CDC42BPG: variants seen among roughly 807,000 people sequenced by gnomAD.
CDC42BPG encodes the protein CDC42 binding protein kinase gamma.
Under a neutral mutation model 192.2 loss-of-function variants are expected in CDC42BPG, and 157 were observed. That is an observed-to-expected ratio of 0.82 (90% confidence interval 0.72 to 0.93). CDC42BPG has a LOEUF of 0.93. Among genes scored for constraint, CDC42BPG ranks in the 40% least tolerant of loss-of-function variants. The pLI is 0.00. For synonymous variants in CDC42BPG, 981 were observed against 918.5 expected (o/e 1.07, Z -1.23); for missense variants, 1,992 against 2,122.1 (o/e 0.94, Z 1.20).
rs754436204 is a variant in CDC42BPG, at chr11:64,829,561, G to C, written c.3877C>G (p.Leu1293Val). The C allele has an allele frequency of 1.1e-5, 18 of 1,612,716 alleles. No homozygotes were observed. The highest frequency in any genetic ancestry group is 1.5e-5 in the Non-Finnish European group (18 of 1,179,844). Reference protein sequence around the residue: ...VELSLSEFLLLFTTAGIYVDG... With the variant: ...VELSLSEFLLVFTTAGIYVDG... ...ACGTAGATGCCAGCAGTGGTGAAGA[G>C]TAGCAGGAACTCGCTGAGGCTAAGC... The change falls in exon 30 of 37, where the codon CTC (leucine) becomes GTC (valine). Residue 1293 changes from leucine (L) to valine (V), a missense_variant. Around this residue, in one of 2 missense-constraint regions of CDC42BPG, gnomAD observed 1,656 missense variants for 1,844.3 expected, o/e 0.90. Coordinates refer to ENST00000342711, the MANE Select transcript of CDC42BPG (RefSeq NM_017525.3).
At chr11:64,843,501 C>T (rs2136432271) in intron 1 of CDC42BPG, among the ~76,000 whole-genome samples, 1 of 152,252 alleles carries the variant, frequency 6.6e-6, no homozygotes, top group East Asian at 1.9e-4. Context: ...CCCCCTCTAC[C>T]CCAGGCCTTG....
rs763242060 is a variant in CDC42BPG at position 64,830,054 on chromosome 11, C to T, written c.3384G>A (p.Gly1128=). 6.2e-7 allele frequency: 1 copy of T among 1,612,536 alleles called. No individual in the cohort carries two copies. Among genetic ancestry groups the T allele is most frequent in the African/African-American group, 1.3e-5 (1 of 74,920 alleles). The change falls in exon 30 of 37, where the codon GGG becomes GGA. Residue 1128 remains glycine, a synonymous_variant. Coordinates refer to ENST00000342711, the MANE Select transcript of CDC42BPG (RefSeq NM_017525.3). ...HLRSNDIFQV[G]ECRRVQQLTL... is the part of the protein sequence containing the mutation. ...TCAGCTGCTGCACGCGCCGGCACTCCCCCACCTGGAAGATGTCTGCAGGGT... is the reference window on the plus strand; with the variant it reads ...TCAGCTGCTGCACGCGCCGGCACTCTCCCACCTGGAAGATGTCTGCAGGGT...
chr11:64,832,817 C>A lies in CDC42BPG; in HGVS notation c.2865+9G>T. 1 of 1,587,594 alleles carries A rather than the reference C, an allele frequency of 6.3e-7. No individual in the cohort carries two copies. The highest frequency in any genetic ancestry group is 2.4e-5 in the East Asian group (1 of 42,486). ...ATGCCCATCTTCCCCTCCCTCGGCC[C>A]CCACTCACCGACAGAAAGCCCTCAT... is the stretch of plus-strand genomic sequence containing the variant. On this transcript the variant is annotated intron_variant, in intron 25 of 36. Coordinates refer to ENST00000342711, the MANE Select transcript of CDC42BPG (RefSeq NM_017525.3).
chr11:64,837,117 C>T, intron 9 of CDC42BPG, 98 bp from the exon 10 acceptor site: 2 of 1,052,112 alleles, frequency 1.9e-6, no homozygotes, highest in Non-Finnish European at 2.9e-6. Context: ...TGTGAAACAG[C>T]CAAAACAGAC....
intron 28 of CDC42BPG, 64 bp downstream of exon 28, chr11:64,831,441 A>G: frequency 6.8e-7 from 1 of 1,460,812 alleles, no homozygotes; most frequent in Non-Finnish European, 9.4e-7. Context: ...CCTTGGGACT[A>G]TTCCTAGACA....
At chr11:64,843,341 TG>T (rs201677418) in intron 1 of CDC42BPG, among the ~76,000 whole-genome samples, 2,841 of 151,304 alleles carry the variant, frequency 0.019, 65 homozygotes, top group African/African-American at 0.041. Flanking sequence ...GTGGGTGTCA[TG>T]GGGGGGGTGA....
rs770769787 is a variant in CDC42BPG at position 64,836,785 on chromosome 11, C to A, written c.1338G>T (p.Leu446=). Residue 446 remains leucine, a synonymous_variant, in exon 11 of 37, where the codon CTG becomes CTT. Coordinates refer to ENST00000342711, the MANE Select transcript of CDC42BPG (RefSeq NM_017525.3). The part of the protein sequence containing the change: ...ALHAPTDHRE[L]EQLRKEVQTL... ...TCTGCACTTCCTTCCGTAGCTGCTCCAGCTCCCGATGGTCTGTGGGGGCGT... is the reference window on the plus strand; with the variant it reads ...TCTGCACTTCCTTCCGTAGCTGCTCAAGCTCCCGATGGTCTGTGGGGGCGT... The A allele has an allele frequency of 1.0e-5, 16 of 1,595,180 alleles. No homozygotes were observed. The highest frequency in any genetic ancestry group is 1.3e-5 in the Non-Finnish European group (15 of 1,171,602).
chr11:64,831,879 G>A (rs1042146830), intron 27 of CDC42BPG, among the ~76,000 whole-genome samples, 158 bp from the exon 28 acceptor site: 3 of 152,268 alleles, frequency 2.0e-5, no homozygotes, highest in Non-Finnish European at 4.4e-5. Flanking sequence ...AGAGCCATGC[G>A]ACCAGCGCCA....
At position 64,827,510 on chromosome 11, in the gene CDC42BPG, C is replaced by A. The variant is rs1942488382; in HGVS notation, c.4150+17G>T. 2 of 1,611,406 alleles carry A rather than the reference C, an allele frequency of 1.2e-6. No homozygotes were observed. The highest frequency in any genetic ancestry group is 1.7e-6 in the Non-Finnish European group (2 of 1,178,106). ...GCACTGGGGAACGCACACACCCGTA[C>A]ACACGCACTCCCTCACCTGCCAGCT... On this transcript the variant is annotated intron_variant, in intron 32 of 36. Coordinates refer to ENST00000342711, the MANE Select transcript of CDC42BPG (RefSeq NM_017525.3).
Position 64,835,099 on chromosome 11 carries a change from G to A in CDC42BPG, c.2008C>T (p.Arg670Trp), listed in dbSNP as rs1458455027. ...QESKQRLEGE[R>W]RETESNWEAQ... The stretch of plus-strand genomic sequence containing the variant: ...TCCCAGTTGCTCTCCGTCTCCCGCC[G>A]CTCACCCTCCAGCCGCTGCTTGCTC... Residue 670 changes from arginine to tryptophan, a missense_variant, in exon 17 of 37, where the codon CGG becomes TGG. Physicochemically the swap from Arg to Trp is moderately radical, Grantham distance 101 (BLOSUM62 -3). Coordinates refer to ENST00000342711, the MANE Select transcript of CDC42BPG (RefSeq NM_017525.3). 10 of 1,384,648 alleles carry A rather than the reference G, an allele frequency of 7.2e-6. No individual in the cohort carries two copies. The highest frequency in any genetic ancestry group is 4.6e-5 in the African/African-American group (3 of 65,620). The allele number at this position is 1,384,648 out of a possible 1,614,324, so 85.8% of individuals were successfully genotyped here. A position where few individuals can be genotyped will look rare whatever the true frequency, so the allele number is the denominator to read the frequency against.
intron 6 of CDC42BPG, 104 bp from the exon 7 acceptor site, chr11:64,839,337 C>T (rs1943173966): frequency 1.0e-5 from 16 of 1,525,162 alleles, no homozygotes; most frequent in Non-Finnish European, 1.4e-5. Context: ...GGCTGGCCTG[C>T]TGCTGCCCAC....
rs770462360 is a variant in CDC42BPG, at chr11:64,839,070, G to A, written c.839C>T (p.Ser280Phe). The A allele has an allele frequency of 5.0e-6, 8 of 1,613,666 alleles. No individual in the cohort carries two copies. Among genetic ancestry groups the A allele is most frequent in the Non-Finnish European group, 5.9e-6 (7 of 1,180,038 alleles). The change falls in exon 7 of 37, where the codon TCC becomes TTC. Residue 280 changes from serine (S) to phenylalanine (F), a missense_variant. Physicochemically the swap from Ser to Phe is radical, Grantham distance 155. Around this residue, in one of 2 missense-constraint regions of CDC42BPG, gnomAD observed 1,656 missense variants for 1,844.3 expected, o/e 0.90. Transcript: ENST00000342711. The stretch of plus-strand genomic sequence containing the variant: ...GATCTTGCCGTAGGTTTCCACCAAG[G>A]ACTCAGCATAGAAGGGCGTCTCCCC... ...LFGETPFYAE[S>F]LVETYGKIMN...
At chr11:64,837,513 T>G (rs534022301) in intron 9 of CDC42BPG, among the ~76,000 whole-genome samples, 2 of 152,216 alleles carry the variant, frequency 1.3e-5, no homozygotes, top group East Asian at 1.9e-4. Context: ...CAGGCTGGAG[T>G]GCAGTGGCGC....
Position 64,834,549 on chromosome 11 carries a change from T to C in CDC42BPG, c.2204A>G (p.Gln735Arg). The C allele has an allele frequency of 6.3e-7, 1 of 1,584,054 alleles. No homozygotes were observed. Reference protein sequence around the residue: ...LDHQWKARRLQKMEASARLEL... With the variant: ...LDHQWKARRLRKMEASARLEL... ...CAGCCTGGCCGAGGCCTCCATCTTC[T>C]GCAGTCGCCGCGCCTTCCACTGGTG... Residue 735 changes from glutamine (Q) to arginine (R), a missense_variant, in exon 19 of 37, where the codon CAG becomes CGG. Transcript: ENST00000342711.
intron 5 of CDC42BPG, 78 bp downstream of exon 5, chr11:64,840,042 A>G: frequency 7.2e-7 from 1 of 1,395,060 alleles, no homozygotes; most frequent in Non-Finnish European, 9.9e-7. Context: ...CTCAGCTGAC[A>G]TCAGCTGTCC....
In CDC42BPG at chr11:64,840,168, T is replaced by C; in HGVS notation, c.533A>G (p.Glu178Gly). The C allele has an allele frequency of 6.2e-7, 1 of 1,613,034 alleles. No homozygotes were observed. Among genetic ancestry groups the C allele is most frequent in the Non-Finnish European group, 8.5e-7 (1 of 1,179,912 alleles). Residue 178 changes from glutamate (E) to glycine (G), a missense_variant, in exon 5 of 37, where the codon GAG (glutamate) becomes GGG (glycine). Around this residue, in one of 2 missense-constraint regions of CDC42BPG, gnomAD observed 1,656 missense variants for 1,844.3 expected, o/e 0.90. Transcript: ENST00000342711. ...CAGCGAGTGGATGGCCAGCACCATC[T>C]CAGCCAGGTAGAACTGGGCCAGCTC... ...PPELAQFYLA[E>G]MVLAIHSLHQ...
At chr11:64,826,987 A>G (rs1022609680) in intron 34 of CDC42BPG, 63 bp downstream of exon 34, 12 of 1,290,486 alleles carry the variant, frequency 9.3e-6, no homozygotes, top group Admixed American at 7.0e-5. Flanking sequence ...AGAGCTCACC[A>G]CAGAGGCCGG....
intron 24 of CDC42BPG, 47 bp from the exon 25 acceptor site, chr11:64,833,006 C>T (rs922142500): frequency 6.7e-7 from 1 of 1,492,970 alleles, no homozygotes; most frequent in South Asian, 1.3e-5. Flanking sequence ...TGGGAGGGGA[C>T]AGCCCCAAAC....
At position 64,835,640 on chromosome 11, in the gene CDC42BPG, G is replaced by A. The variant is rs79329698; in HGVS notation, c.1759-19C>T. 5,775 of 1,573,026 alleles carry A rather than the reference G, an allele frequency of 3.7e-3. 157 individuals are homozygous for A. The African/African-American group carries it at 0.064, about 18-fold the overall frequency. On this transcript the variant is annotated intron_variant, in intron 14 of 36. Coordinates refer to ENST00000342711, the MANE Select transcript of CDC42BPG (RefSeq NM_017525.3). ...GGATGGTCTTGGGGACATGGAGGGG[G>A]TCAGGGCAGAGACCCAAGATGCCAT...
Sources: allele counts gnomAD v4.1 joint callset (sites outside exome capture counted in the v4.1 genomes callset), GRCh38; gene constraint gnomAD v4.1.1; regional missense constraint gnomAD v4.1.1; transcripts MANE v1.5; gene names NCBI Gene and HGNC (gene_info 2026-07-23, HGNC 2026-07-21).